The following TRAP1 variants were observed in gnomAD, a reference collection of about 807,000 sequenced individuals.
TRAP1 encodes TNF receptor associated protein 1.
Under a neutral mutation model 89.1 loss-of-function variants are expected in TRAP1, and 102 were observed. The ratio of observed to expected loss-of-function variants is 1.15; its 90% confidence interval spans 0.98 to 1.35. TRAP1 has a LOEUF of 1.35. TRAP1 is among the 40% of genes most tolerant of loss of function. TRAP1 has a pLI of 0.00. For synonymous variants in TRAP1, 508 were observed against 388.0 expected (o/e 1.31, Z -3.64); for missense variants, 1,256 against 945.3 (o/e 1.33, Z -4.31).
chr16:3,710,641 C>T (rs747011631), intron 1 of TRAP1, among the ~76,000 whole-genome samples: 37 of 152,090 alleles, frequency 2.4e-4, no homozygotes, highest in Non-Finnish European at 4.3e-4. Flanking sequence ...CATTGCCTGA[C>T]AAATGCTGAA....
chr16:3,691,915 C>G (rs760089930), intron 1 of TRAP1, among the ~76,000 whole-genome samples: 6 of 152,128 alleles, frequency 3.9e-5, no homozygotes, highest in Non-Finnish European at 8.8e-5. Context: ...CAGAGCCCAG[C>G]GAGGGAGGAA....
At chr16:3,685,613 A>G (rs1392742540) in intron 4 of TRAP1, among the ~76,000 whole-genome samples, 2 of 152,320 alleles carry the variant, frequency 1.3e-5, no homozygotes, top group East Asian at 3.9e-4. Context: ...ACAAGGCTAC[A>G]GCAGCAGCCA....
intron 3 of TRAP1, among the ~76,000 whole-genome samples, chr16:3,688,023 C>T (rs1377534965): frequency 6.6e-6 from 1 of 152,132 alleles, no homozygotes; most frequent in Admixed American, 6.5e-5. Context: ...GGAAACAGCT[C>T]CTAGAAGGCC....
chr16:3,709,811 CG>C (rs1439015133), intron 1 of TRAP1, among the ~76,000 whole-genome samples: 2 of 152,114 alleles, frequency 1.3e-5, no homozygotes, highest in African/African-American at 4.8e-5. Context: ...CCACCACGCC[CG>C]GCTAGTTTTG....
At chr16:3,679,331 CAAT>C (rs201941439) in intron 5 of TRAP1, among the ~76,000 whole-genome samples, 2 of 152,052 alleles carry the variant, frequency 1.3e-5, no homozygotes, top group East Asian at 3.9e-4. Context: ...AAAAACAACA[CAAT>C]GATAAAAAGT....
chr16:3,677,481 C>A lies in TRAP1; in HGVS notation c.704+17G>T, dbSNP rs181675647. On this transcript the variant is annotated intron_variant, in intron 6 of 17. Coordinates refer to ENST00000246957, the MANE Select transcript of TRAP1 (RefSeq NM_016292.3). ...GCTCAGCTTTGAGCTGCCTGTCAGG[C>A]GACATTCGTCACTCACCCATCTGAA... The A allele has an allele frequency of 1.9e-6, 3 of 1,614,138 alleles. No homozygotes were observed. The South Asian group carries it at 3.3e-5, about 18-fold the overall frequency.
At chr16:3,658,371 C>T in intron 17 of TRAP1, 141 bp from the exon 18 acceptor site, 2 of 690,116 alleles carry the variant, frequency 2.9e-6, no homozygotes, top group Non-Finnish European at 4.9e-6. Flanking sequence ...GGTGATCCCC[C>T]CGCCTCCCAA....
intron 4 of TRAP1, among the ~76,000 whole-genome samples, chr16:3,684,870 G>A (rs78048433): frequency 6.6e-6 from 1 of 152,146 alleles, no homozygotes. Flanking sequence ...GGGTCCCAAA[G>A]GATATAATGG....
At chr16:3,677,740 C>A in intron 5 of TRAP1, 82 bp from the exon 6 acceptor site, 1 of 1,474,266 alleles carries the variant, frequency 6.8e-7, no homozygotes, top group Non-Finnish European at 9.1e-7. Flanking sequence ...TCTGCGAGCA[C>A]CGCTAAGACC....
chr16:3,698,064 G>A (rs1168559457), intron 1 of TRAP1, among the ~76,000 whole-genome samples: 1 of 151,950 alleles, frequency 6.6e-6, no homozygotes, highest in African/African-American at 2.4e-5. Context: ...GTCTGCCTCA[G>A]TCTCCCAAAG....
At chr16:3,667,448 C>A (rs2050851659) in intron 11 of TRAP1, among the ~76,000 whole-genome samples, 1 of 151,458 alleles carries the variant, frequency 6.6e-6, no homozygotes, top group African/African-American at 2.4e-5. Context: ...ACATGGTAAG[C>A]CCCCGTCTCT....
Position 3,662,898 on chromosome 16 carries a change from C to T in TRAP1, c.1778G>A (p.Arg593His), listed in dbSNP as rs145850823. 153 of 1,613,464 alleles carry T rather than the reference C, an allele frequency of 9.5e-5. No homozygotes were observed. Among genetic ancestry groups the T allele is most frequent in the Admixed American group, 6.2e-4 (37 of 60,006 alleles). Residue 593 changes from arginine (R) to histidine (H), a missense_variant, in exon 15 of 18, where the codon CGT becomes CAT. Coordinates refer to ENST00000246957, the MANE Select transcript of TRAP1 (RefSeq NM_016292.3). ...AAGCCTCACCTTCACGTTGGTGACA[C>T]GCGACCCCAGCACATTTCTCATCCA... is the stretch of plus-strand genomic sequence containing the variant. ...MAWMRNVLGS[R>H]VTNVKVTLRL...
In TRAP1 at chr16:3,670,382, C is replaced by CAAAA. The variant is rs760902038; in HGVS notation, c.1235+1336_1235+1339dup. Among the ~76,000 whole-genome samples, 29 of 22,836 alleles carry CAAAA rather than the reference C, an allele frequency of 1.3e-3. 1 individual carries two copies. The highest frequency in any genetic ancestry group is 2.0e-3 in the Admixed American group (3 of 1,514). 15.0% of individuals were successfully genotyped at this position (22,836 alleles called of 152,430 possible). A position where few individuals can be genotyped will look rare whatever the true frequency, so the allele number is the denominator to read the frequency against. ...TGGGCGACAGAGCAAGACTCCGTCT[C>CAAAA]AAAAAAAAAAAAAAAAAAAAAAAAA... On this transcript the variant is annotated intron_variant, in intron 11 of 17. Coordinates refer to ENST00000246957, the MANE Select transcript of TRAP1 (RefSeq NM_016292.3).
rs552933461 is a variant in TRAP1 at position 3,674,350 on chromosome 16, C to A, written c.1033G>T (p.Val345Leu). The change falls in exon 9 of 18, where the codon GTG (valine) becomes TTG (leucine). Residue 345 changes from valine to leucine, a missense_variant. Physicochemically the swap from Val to Leu is conservative, Grantham distance 32. Coordinates refer to ENST00000246957, the MANE Select transcript of TRAP1 (RefSeq NM_016292.3). The stretch of plus-strand genomic sequence containing the variant: ...CCACAGTGCCTCACCATGTCGGGCA[C>A]GTAGAAGATGCTGCGGATGTTGAGC... The part of the protein sequence containing the change: ...APLNIRSIFY[V>L]PDMKPSMFDV... 21 of 1,613,952 alleles carry A rather than the reference C, an allele frequency of 1.3e-5. No individual in the cohort carries two copies. Among genetic ancestry groups the A allele is most frequent in the Non-Finnish European group, 1.7e-5 (20 of 1,179,992 alleles).
chr16:3,711,932 T>C (rs1412226765), intron 1 of TRAP1, among the ~76,000 whole-genome samples: 1 of 152,156 alleles, frequency 6.6e-6, no homozygotes, highest in African/African-American at 2.4e-5. Flanking sequence ...ATTCTCTGGC[T>C]TTGAACCCAA....
intron 11 of TRAP1, among the ~76,000 whole-genome samples, chr16:3,670,439 G>C (rs906259276): frequency 2.7e-5 from 4 of 146,742 alleles, no homozygotes; most frequent in African/African-American, 1.0e-4. Context: ...AGTGGCTCAT[G>C]CCTGGAATCC....
rs758104963 is a variant in TRAP1, at chr16:3,671,767, G to T, written c.1190C>A (p.Pro397His). The T allele has an allele frequency of 1.2e-5, 20 of 1,613,024 alleles. No individual in the cohort carries two copies. The highest frequency in any genetic ancestry group is 1.6e-4 in the Middle Eastern group (1 of 6,084). ...CAGCAGCTCCCGGCTGAGGTTCAGG[G>T]GAATGTCCTCACTGTCCACCACACC... Reference protein sequence around the residue: ...IRGVVDSEDIPLNLSRELLQE... With the variant: ...IRGVVDSEDIHLNLSRELLQE... The change falls in exon 11 of 18, where the codon CCC becomes CAC. Residue 397 changes from proline to histidine, a missense_variant. Transcript: ENST00000246957.
chr16:3,684,893 C>A (rs1006343688), intron 4 of TRAP1, among the ~76,000 whole-genome samples: 1 of 152,132 alleles, frequency 6.6e-6, no homozygotes, highest in Non-Finnish European at 1.5e-5. Context: ...CTCTAAATTA[C>A]CTGCTCAAAT....
intron 5 of TRAP1, among the ~76,000 whole-genome samples, chr16:3,678,759 C>T (rs751756347): frequency 6.6e-6 from 1 of 152,194 alleles, no homozygotes; most frequent in African/African-American, 2.4e-5. Context: ...CCGCACCCGA[C>T]CTAGTGTTTT....
Sources: gnomAD v4.1 joint callset for allele counts (sites outside exome capture counted in the v4.1 genomes callset) on GRCh38, gnomAD v4.1.1 for gene constraint, MANE v1.5 for transcripts, NCBI Gene and HGNC (gene_info 2026-07-23, HGNC 2026-07-21) for gene names.